ZNF697: variants seen among roughly 807,000 people sequenced by gnomAD.
ZNF697 encodes the protein zinc finger protein 697.
A neutral mutation model predicts 32.4 loss-of-function variants in ZNF697; 23 were observed. That is an observed-to-expected ratio of 0.71 (90% confidence interval 0.51 to 1.01). The LOEUF is 1.01. Ranked by LOEUF, ZNF697 falls within the 50% of genes least tolerant of loss-of-function variation. ZNF697 has a pLI of 0.00. For synonymous variants in ZNF697, 418 were observed against 337.2 expected (o/e 1.24, Z -2.62); for missense variants, 930 against 794.0 (o/e 1.17, Z -2.06).
In ZNF697 at chr1:119,622,609, C is replaced by T. The variant is rs1648369483; in HGVS notation, c.*96G>A. 6 of 1,430,574 alleles carry T rather than the reference C, an allele frequency of 4.2e-6. No individual in the cohort carries two copies. Among genetic ancestry groups the T allele is most frequent in the Non-Finnish European group, 5.5e-6 (6 of 1,095,934 alleles). The allele number at this position is 1,430,574 out of a possible 1,614,324, so 88.6% of individuals were successfully genotyped here. A position where few individuals can be genotyped will look rare whatever the true frequency, so the allele number is the denominator to read the frequency against. ...GCTCCCCAGTCACTCTCAGATTGTC[C>T]CTCCCGCCCCTTCCCCACTTCCTTC... On this transcript the variant is annotated 3_prime_UTR_variant, in exon 3 of 3. Transcript: ENST00000421812.
Position 119,620,236 on chromosome 1 carries a change from T to A in ZNF697, c.*2469A>T, listed in dbSNP as rs1425737720. 1 of 152,532 alleles carries A rather than the reference T, an allele frequency of 6.6e-6. No homozygotes were observed. Among genetic ancestry groups the A allele is most frequent in the Non-Finnish European group, 1.5e-5 (1 of 68,014 alleles). 9.4% of individuals were successfully genotyped at this position (152,532 alleles called of 1,614,324 possible). ...GAAATAATGAGAGAGGTAAATGAAG[T>A]CCAAAGATTCCCACTGCCACTAAAC... On this transcript the variant is annotated 3_prime_UTR_variant, in exon 3 of 3. Transcript: ENST00000421812.
In ZNF697 at chr1:119,623,047, C is replaced by A. The variant is rs749693512; in HGVS notation, c.1296G>T (p.Ser432=). 4 of 1,586,554 alleles carry A rather than the reference C, an allele frequency of 2.5e-6. No individual in the cohort carries two copies. The highest frequency in any genetic ancestry group is 3.4e-6 in the Non-Finnish European group (4 of 1,166,170). The part of the protein sequence containing the change: ...SHLFTHKRTH[S]GERPYVCREC... ...CGCGGCACACGTAGGGCCGCTCACC[C>A]GAGTGCGTGCGCTTGTGCGTGAAGA... Residue 432 remains serine, a synonymous_variant, in exon 3 of 3, where the codon TCG becomes TCT. Transcript: ENST00000421812.
At chr1:119,636,600 G>A (rs1439730309) in intron 1 of ZNF697, among the ~76,000 whole-genome samples, 4 of 152,116 alleles carry the variant, frequency 2.6e-5, no homozygotes, top group Non-Finnish European at 5.9e-5. Flanking sequence ...GAGGGACCTA[G>A]CAAATGGAAC....
At chr1:119,643,656 T>C (rs2101097291) in intron 1 of ZNF697, among the ~76,000 whole-genome samples, 1 of 152,244 alleles carries the variant, frequency 6.6e-6, no homozygotes, top group South Asian at 2.1e-4. Context: ...CCCCAATAAG[T>C]GCAGCCAGTG....
Position 119,620,476 on chromosome 1 carries a change from A to G in ZNF697, c.*2229T>C, listed in dbSNP as rs1389082197. On this transcript the variant is annotated 3_prime_UTR_variant, in exon 3 of 3. Transcript: ENST00000421812. Reference sequence around the variant, plus strand: ...TAAAACAGCTGGAAGAGGTAGATGTACATGGAAAGAAACCCACAAAGCAGT... The same window carrying G: ...TAAAACAGCTGGAAGAGGTAGATGTGCATGGAAAGAAACCCACAAAGCAGT... 1 of 152,664 alleles carries G rather than the reference A, an allele frequency of 6.6e-6. No homozygotes were observed. The highest frequency in any genetic ancestry group is 1.5e-5 in the Non-Finnish European group (1 of 68,044). 9.5% of individuals were successfully genotyped at this position (152,664 alleles called of 1,614,324 possible).
intron 2 of ZNF697, among the ~76,000 whole-genome samples, chr1:119,624,512 G>A (rs587742984): frequency 6.6e-6 from 1 of 152,376 alleles, no homozygotes; most frequent in South Asian, 2.1e-4. Flanking sequence ...TGCCTTTTAA[G>A]ATTCTAGTCT....
At position 119,620,681 on chromosome 1, in the gene ZNF697, A is replaced by G. The variant is rs1648282309; in HGVS notation, c.*2024T>C. 6.6e-6 allele frequency: 1 copy of G among 152,658 alleles called. No homozygotes were observed. The highest frequency in any genetic ancestry group is 2.4e-5 in the African/African-American group (1 of 41,466). The allele number at this position is 152,658 out of a possible 1,614,324, so 9.5% of individuals were successfully genotyped here. ...TTTGAAAACCTATTTGCATTTGTGAATAACAATAAACTGATTAAGAGGGCA... is the reference window on the plus strand; with the variant it reads ...TTTGAAAACCTATTTGCATTTGTGAGTAACAATAAACTGATTAAGAGGGCA... On this transcript the variant is annotated 3_prime_UTR_variant, in exon 3 of 3. Coordinates refer to ENST00000421812, the MANE Select transcript of ZNF697 (RefSeq NM_001080470.2).
intron 1 of ZNF697, among the ~76,000 whole-genome samples, chr1:119,627,070 G>A (rs1451622232): frequency 4.6e-5 from 7 of 152,328 alleles, no homozygotes; most frequent in South Asian, 2.1e-4. Context: ...AGACTGAGCA[G>A]TTGAGCCAAA....
intron 1 of ZNF697, among the ~76,000 whole-genome samples, chr1:119,631,526 C>A (rs906187347): frequency 2.0e-5 from 3 of 152,214 alleles, no homozygotes; most frequent in Non-Finnish European, 4.4e-5. Flanking sequence ...CAGCGCGGGC[C>A]GCACCTGGCA....
At position 119,622,734 on chromosome 1, in the gene ZNF697, C is replaced by T; in HGVS notation, c.1609G>A (p.Ala537Thr). The change falls in exon 3 of 3, where the codon GCG becomes ACG. Residue 537 changes from alanine to threonine, a missense_variant. Coordinates refer to ENST00000421812, the MANE Select transcript of ZNF697 (RefSeq NM_001080470.2). The stretch of plus-strand genomic sequence containing the variant: ...CACAGGTGCAGCTTCTGGTGCTGCG[C>T]GAGGTGCGTTTTATAGCGGAAGCCT... ...GKGFRYKTHL[A>T]QHQKLHLC is the part of the protein sequence containing the mutation. The T allele has an allele frequency of 1.3e-6, 2 of 1,557,664 alleles. No homozygotes were observed. The highest frequency in any genetic ancestry group is 8.7e-7 in the Non-Finnish European group (1 of 1,150,618).
intron 1 of ZNF697, among the ~76,000 whole-genome samples, chr1:119,628,408 G>A (rs963828286): frequency 1.3e-5 from 2 of 152,152 alleles, no homozygotes; most frequent in Non-Finnish European, 1.5e-5. Flanking sequence ...GATATTAAAC[G>A]TGGAAACATG....
Position 119,623,557 on chromosome 1 carries a change from G to A in ZNF697, c.786C>T (p.Arg262=), listed in dbSNP as rs745509610. The A allele has an allele frequency of 2.9e-5, 44 of 1,517,598 alleles. No individual in the cohort carries two copies. The East Asian group carries it at 9.7e-4, about 34-fold the overall frequency. The allele number at this position is 1,517,598 out of a possible 1,614,324, so 94.0% of individuals were successfully genotyped here. ...TGAAGCCCTTGCCGCACTCCCCGCAGCGGAAGGGCTTTTCGCGCGGGGGCC... is the reference window on the plus strand; with the variant it reads ...TGAAGCCCTTGCCGCACTCCCCGCAACGGAAGGGCTTTTCGCGCGGGGGCC... ...LARPPREKPF[R]CGECGKGFSR... The change falls in exon 3 of 3, where the codon CGC becomes CGT. Residue 262 remains arginine, a synonymous_variant. Coordinates refer to ENST00000421812, the MANE Select transcript of ZNF697 (RefSeq NM_001080470.2).
Position 119,623,588 on chromosome 1 carries a change from A to AGCGGGGGCCCGGCCCC in ZNF697, c.739_754dup (p.Leu252ArgfsTer188). The stretch of plus-strand genomic sequence containing the variant: ...GGGCTTTTCGCGCGGGGGCCGGGCC[A>AGCGGGGGCCCGGCCCC]GCGGGGGCCCGGCCCCGAAGCCCCC... On this transcript the variant is annotated frameshift_variant, in exon 3 of 3. Transcript: ENST00000421812. LOFTEE classifies it high-confidence loss of function. 7.0e-7 allele frequency: 1 copy of AGCGGGGGCCCGGCCCC among 1,434,266 alleles called. No homozygotes were observed. Among genetic ancestry groups the AGCGGGGGCCCGGCCCC allele is most frequent in the Non-Finnish European group, 9.0e-7 (1 of 1,106,026 alleles). The allele number at this position is 1,434,266 out of a possible 1,614,324, so 88.8% of individuals were successfully genotyped here. A position where few individuals can be genotyped will look rare whatever the true frequency, so the allele number is the denominator to read the frequency against.
chr1:119,632,711 C>T (rs984697187), intron 1 of ZNF697, among the ~76,000 whole-genome samples: 4 of 152,118 alleles, frequency 2.6e-5, no homozygotes, highest in African/African-American at 9.7e-5. Flanking sequence ...CACCCTATTC[C>T]TCCTGCACGA....
In ZNF697 at chr1:119,647,948, A is replaced by C. The variant is rs1649260831; in HGVS notation, c.-295T>G. 6.6e-6 allele frequency among the ~76,000 whole-genome samples: 1 copy of C among 151,954 alleles called. No individual in the cohort carries two copies. The highest frequency in any genetic ancestry group is 1.5e-5 in the Non-Finnish European group (1 of 67,944). ...ACAACGGTCCACTTTACGAGGCACA[A>C]CTTCGCCCAGCCGTTCCGCCACCGC... On this transcript the variant is annotated 5_prime_UTR_variant, in exon 1 of 3. Transcript: ENST00000421812.
chr1:119,623,171 C>G lies in ZNF697; in HGVS notation c.1172G>C (p.Ser391Thr). 6.4e-7 allele frequency: 1 copy of G among 1,567,300 alleles called. No homozygotes were observed. Among genetic ancestry groups the G allele is most frequent in the Non-Finnish European group, 8.7e-7 (1 of 1,153,248 alleles). Residue 391 changes from serine (S) to threonine (T), a missense_variant, in exon 3 of 3, where the codon AGC becomes ACC. Coordinates refer to ENST00000421812, the MANE Select transcript of ZNF697 (RefSeq NM_001080470.2). ...GTGCTTCACCAAGTCCGAGCGCCAG[C>G]TGAAGCGCTTGCCGCACTCGCCACA... ...HGCGECGKRFSWRSDLVKHQR... is the reference protein window; with the variant it reads ...HGCGECGKRFTWRSDLVKHQR...
intron 1 of ZNF697, among the ~76,000 whole-genome samples, chr1:119,627,114 G>C (rs181540961): frequency 2.6e-5 from 4 of 152,354 alleles, no homozygotes; most frequent in Admixed American, 2.6e-4. Flanking sequence ...CACTCCTACA[G>C]CTTAGCTCCA....
chr1:119,629,688 G>A (rs1439032746), intron 1 of ZNF697, among the ~76,000 whole-genome samples: 2 of 152,230 alleles, frequency 1.3e-5, no homozygotes, highest in African/African-American at 4.8e-5. Flanking sequence ...TTATTACTAT[G>A]ATGAAACTTC....
intron 2 of ZNF697, 134 bp from the exon 3 acceptor site, chr1:119,624,250 TGA>T (rs1648502773): frequency 8.8e-7 from 1 of 1,137,136 alleles, no homozygotes; most frequent in African/African-American, 1.6e-5. Flanking sequence ...CAAGACCCCC[TGA>T]GAGTTTAGCC....
Sources: allele counts gnomAD v4.1 joint callset (sites outside exome capture counted in the v4.1 genomes callset), GRCh38; gene constraint gnomAD v4.1.1; transcripts MANE v1.5; gene names NCBI Gene and HGNC (gene_info 2026-07-23, HGNC 2026-07-21).